GRK3: variants seen among roughly 807,000 people sequenced by gnomAD.
The protein encoded by GRK3 is G protein-coupled receptor kinase 3.
A neutral mutation model predicts 95.7 loss-of-function variants in GRK3; 54 were observed. The ratio of observed to expected loss-of-function variants is 0.56; its 90% CI spans 0.45 to 0.71. The LOEUF is 0.71. GRK3 is among the 30% of genes least tolerant of loss of function. The probability of loss-of-function intolerance (pLI) is 0.00; values close to 1 mark genes in which losing one functional copy is unlikely to be tolerated. For missense variants in GRK3, 649 were observed against 851.2 expected (o/e 0.76, Z 2.96); for synonymous variants, 281 against 290.8 (o/e 0.97, Z 0.34).
At chr22:25,652,257 A>G (rs2084837059) in intron 3 of GRK3, among the ~76,000 whole-genome samples, 5 of 152,046 alleles carry the variant, frequency 3.3e-5, no homozygotes, top group Admixed American at 3.3e-4. Flanking sequence ...ACACAGTGAA[A>G]CTCTGTCTCT....
At chr22:25,704,529 G>A (rs1205006122) in intron 15 of GRK3, among the ~76,000 whole-genome samples, 1 of 152,174 alleles carries the variant, frequency 6.6e-6, no homozygotes, top group Non-Finnish European at 1.5e-5. Context: ...TCCTGCCTCA[G>A]CCTCCTGAGT....
chr22:25,614,409 T>C (rs1356893176), intron 2 of GRK3, among the ~76,000 whole-genome samples: 1 of 152,218 alleles, frequency 6.6e-6, no homozygotes, highest in Non-Finnish European at 1.5e-5. Flanking sequence ...GTCGGGATTA[T>C]AGGTGTGAGC....
chr22:25,703,381 C>T (rs1252642603), intron 13 of GRK3, 129 bp from the exon 14 acceptor site: 35 of 644,722 alleles, frequency 5.4e-5, no homozygotes, highest in Admixed American at 1.0e-4. Flanking sequence ...TAAATGTTTA[C>T]GGCTTTTGCA....
chr22:25,569,334 A>G (rs1216902568), intron 1 of GRK3, among the ~76,000 whole-genome samples: 1 of 152,254 alleles, frequency 6.6e-6, no homozygotes, highest in Non-Finnish European at 1.5e-5. Flanking sequence ...AACTTGTGCC[A>G]GTGACTTGAA....
At chr22:25,651,699 T>C (rs2084832123) in intron 3 of GRK3, among the ~76,000 whole-genome samples, 2 of 152,264 alleles carry the variant, frequency 1.3e-5, no homozygotes, top group African/African-American at 4.8e-5. Context: ...AAGTTGATGG[T>C]ATTCATTAGG....
chr22:25,631,875 G>A (rs938766566), intron 2 of GRK3, among the ~76,000 whole-genome samples: 7 of 152,158 alleles, frequency 4.6e-5, no homozygotes, highest in African/African-American at 1.7e-4. Flanking sequence ...AGCATGATGT[G>A]TTTGAGACGC....
At chr22:25,692,704 G>A (rs1420170098) in intron 12 of GRK3, among the ~76,000 whole-genome samples, 1 of 152,210 alleles carries the variant, frequency 6.6e-6, no homozygotes, top group East Asian at 1.9e-4. Context: ...AATTTTTGTG[G>A]TATGGAAATT....
At chr22:25,689,561 G>T (rs1279893588) in intron 11 of GRK3, among the ~76,000 whole-genome samples, 1 of 152,146 alleles carries the variant, frequency 6.6e-6, no homozygotes. Flanking sequence ...TGTTTTTCAT[G>T]ATTATGATGA....
intron 1 of GRK3, among the ~76,000 whole-genome samples, chr22:25,593,995 G>T (rs765554849): frequency 2.8e-4 from 43 of 152,212 alleles, no homozygotes; most frequent in Non-Finnish European, 5.0e-4. Flanking sequence ...ATGCTGTTTT[G>T]GTTACTGTAG....
At chr22:25,685,709 T>C (rs1401398567) in intron 10 of GRK3, among the ~76,000 whole-genome samples, 1 of 152,186 alleles carries the variant, frequency 6.6e-6, no homozygotes, top group Admixed American at 6.5e-5. Context: ...CTACTGTACA[T>C]TGATCTTTTA....
intron 6 of GRK3, among the ~76,000 whole-genome samples, chr22:25,671,010 C>T (rs1040058407): frequency 6.1e-5 from 9 of 148,242 alleles, no homozygotes; most frequent in African/African-American, 1.0e-4. Context: ...GCTGAGATCG[C>T]GCCGCTGCAC....
chr22:25,674,351 ACTGT>A lies in GRK3; in HGVS notation c.556-83_556-80del, dbSNP rs138180634. ...CCTAAGTCAGATTGCTATTTTAATT[ACTGT>A]CTATGTTTTGCATGAAAAAATCTTT... On this transcript the variant is annotated intron_variant, in intron 7 of 20. Transcript: ENST00000324198. The A allele has an allele frequency of 1.0e-3, 1,051 of 1,040,564 alleles. 7 individuals are homozygous for A. The African/African-American group carries it at 0.015, about 15-fold the overall frequency. 64.5% of individuals were successfully genotyped at this position (1,040,564 alleles called of 1,614,324 possible).
At chr22:25,585,423 C>G (rs1932266582) in intron 1 of GRK3, among the ~76,000 whole-genome samples, 1 of 152,134 alleles carries the variant, frequency 6.6e-6, no homozygotes, top group Non-Finnish European at 1.5e-5. Context: ...TTAATTAAAA[C>G]TATTTATTAT....
chr22:25,687,001 A>G (rs111266367), intron 10 of GRK3, among the ~76,000 whole-genome samples: 11,929 of 152,110 alleles, frequency 0.078, 511 homozygotes, highest in Middle Eastern at 0.16. Context: ...TGTATTTTTA[A>G]TAGAGACGGA....
At chr22:25,691,308 A>G (rs943505771) in intron 12 of GRK3, among the ~76,000 whole-genome samples, 1 of 152,208 alleles carries the variant, frequency 6.6e-6, no homozygotes, top group African/African-American at 2.4e-5. Flanking sequence ...GGTCTTGAAA[A>G]AAAACTCCCA....
At chr22:25,691,438 G>T (rs913843395) in intron 12 of GRK3, among the ~76,000 whole-genome samples, 2 of 152,172 alleles carry the variant, frequency 1.3e-5, no homozygotes, top group Non-Finnish European at 2.9e-5. Context: ...AATCAAAATT[G>T]CCTTTTAAAG....
At chr22:25,579,639 A>C (rs1007771382) in intron 1 of GRK3, among the ~76,000 whole-genome samples, 1 of 151,706 alleles carries the variant, frequency 6.6e-6, no homozygotes, top group East Asian at 1.9e-4. Flanking sequence ...CACCCGGCTA[A>C]TTTTTTGTAT....
At chr22:25,578,368 C>T (rs1399840500) in intron 1 of GRK3, among the ~76,000 whole-genome samples, 1 of 152,142 alleles carries the variant, frequency 6.6e-6, no homozygotes, top group Non-Finnish European at 1.5e-5. Flanking sequence ...GGGGTTTCCA[C>T]TGGCTAAAAG....
intron 17 of GRK3, among the ~76,000 whole-genome samples, chr22:25,712,842 A>G (rs2085354886): frequency 6.6e-6 from 1 of 152,218 alleles, no homozygotes; most frequent in Non-Finnish European, 1.5e-5. Context: ...GCACACTTAG[A>G]ACAAGAAGTC....
Sources: allele counts gnomAD v4.1 joint callset (sites outside exome capture counted in the v4.1 genomes callset), GRCh38; gene constraint gnomAD v4.1.1; transcripts MANE v1.5; gene names NCBI Gene and HGNC (gene_info 2026-07-23, HGNC 2026-07-21).